Variants in GNPTAB observed in about 807,000 individuals in gnomAD.
GNPTAB encodes N-acetylglucosamine-1-phosphate transferase subunits alpha and beta.
A neutral mutation model predicts 136.6 loss-of-function variants in GNPTAB; 92 were observed. That is an observed-to-expected ratio of 0.67 (90% CI 0.57 to 0.80). The LOEUF is 0.80. Ranked by LOEUF, GNPTAB falls within the 30% of genes least tolerant of loss-of-function variation. GNPTAB has a pLI of 0.00. For missense variants in GNPTAB, 1,343 were observed against 1,501.8 expected, an observed-to-expected ratio of 0.89 and a Z score of 1.75; for synonymous variants, 512 against 535.1, an observed-to-expected ratio of 0.96 and a Z score of 0.60.
chr12:101,779,400 A>G (rs1953306404), intron 7 of GNPTAB: 2 of 152,358 alleles, frequency 1.3e-5, no homozygotes, highest in Non-Finnish European at 2.9e-5. Context: ...AATAGAGAGA[A>G]CACCCACATG....
In GNPTAB at chr12:101,753,517, T is replaced by C; in HGVS notation, c.3457A>G (p.Asn1153Asp). Reference protein sequence around the residue: ...NPRKFVCLNDNIDHNHKDAQT... With the variant: ...NPRKFVCLNDDIDHNHKDAQT... The stretch of plus-strand genomic sequence containing the variant: ...GCATCTTTATGATTGTGGTCAATGT[T>C]GTCATTCAGGCAAACAAACTTCCTG... Residue 1153 changes from asparagine (N) to aspartate (D), a missense_variant, in exon 19 of 21, where the codon AAC becomes GAC. Transcript: ENST00000299314. 1.2e-6 allele frequency: 2 copies of C among 1,614,040 alleles called. No homozygotes were observed. The highest frequency in any genetic ancestry group is 2.2e-5 in the South Asian group (2 of 91,086).
chr12:101,763,094 T>C (rs1233108128), intron 13 of GNPTAB, among the ~76,000 whole-genome samples: 1 of 151,600 alleles, frequency 6.6e-6, no homozygotes, highest in Non-Finnish European at 1.5e-5. Flanking sequence ...TGCTGGCACA[T>C]GCCTGTAATC....
intron 1 of GNPTAB, among the ~76,000 whole-genome samples, chr12:101,826,776 A>C (rs1594266627): frequency 6.6e-6 from 1 of 152,166 alleles, no homozygotes; most frequent in East Asian, 1.9e-4. Flanking sequence ...AGAACAAATT[A>C]TTTAAAAACC....
chr12:101,768,061 C>T lies in GNPTAB; in HGVS notation c.1384G>A (p.Asp462Asn), dbSNP rs1342010486. Residue 462 changes from aspartate (D) to asparagine (N), a missense_variant, in exon 11 of 21, where the codon GAT (aspartate) becomes AAT (asparagine). Physicochemically the swap from Asp to Asn is conservative, Grantham distance 23. Transcript: ENST00000299314. ...CCAGAGCAATCCCCACCATCCCAATCGCAGGCTGAATTATTACAAGCCTTG... is the reference window on the plus strand; with the variant it reads ...CCAGAGCAATCCCCACCATCCCAATTGCAGGCTGAATTATTACAAGCCTTG... ...CDKACNNSAC[D>N]WDGGDCSGNS... 10 of 1,614,068 alleles carry T rather than the reference C, an allele frequency of 6.2e-6. No individual in the cohort carries two copies. The highest frequency in any genetic ancestry group is 4.0e-5 in the African/African-American group (3 of 74,938).
At chr12:101,810,781 G>A (rs1383451542) in intron 1 of GNPTAB, 1 of 152,118 alleles carries the variant, frequency 6.6e-6, no homozygotes, top group Non-Finnish European at 1.5e-5. Flanking sequence ...GAAGGACTTG[G>A]GGAAAGAGGC....
At chr12:101,820,092 T>G (rs960641217) in intron 1 of GNPTAB, among the ~76,000 whole-genome samples, 1 of 152,200 alleles carries the variant, frequency 6.6e-6, no homozygotes, top group Non-Finnish European at 1.5e-5. Context: ...TGGCACTTAA[T>G]TAGCTGAACG....
intron 8 of GNPTAB, 75 bp downstream of exon 8, chr12:101,770,921 C>T: frequency 7.1e-7 from 1 of 1,399,334 alleles, no homozygotes; most frequent in East Asian, 2.3e-5. Context: ...CTTCCCTCTT[C>T]TAATATAGTA....
chr12:101,800,489 T>C (rs2137163456), intron 1 of GNPTAB, among the ~76,000 whole-genome samples: 1 of 150,882 alleles, frequency 6.6e-6, no homozygotes, highest in African/African-American at 2.4e-5. Context: ...CTAGGTGCAA[T>C]GGCTCATGCC....
chr12:101,789,719 AGT>A (rs1224120497), intron 3 of GNPTAB, among the ~76,000 whole-genome samples: 1 of 152,144 alleles, frequency 6.6e-6, no homozygotes, highest in Non-Finnish European at 1.5e-5. Flanking sequence ...CCTGGCCTCA[AGT>A]GATCCTCCCA....
chr12:101,789,918 A>G lies in GNPTAB; in HGVS notation c.323+20T>C, dbSNP rs78149334. The G allele has an allele frequency of 6.6e-7, 1 of 1,521,142 alleles. No homozygotes were observed. Among genetic ancestry groups the G allele is most frequent in the Non-Finnish European group, 9.0e-7 (1 of 1,105,756 alleles). The allele number at this position is 1,521,142 out of a possible 1,614,324, so 94.2% of individuals were successfully genotyped here. ...ATCGCCACATTACCCATCTGATGTGAAAAAAAAAATCAGTTTTACCTCATT... is the reference window on the plus strand; with the variant it reads ...ATCGCCACATTACCCATCTGATGTGGAAAAAAAAATCAGTTTTACCTCATT... On this transcript the variant is annotated intron_variant, in intron 3 of 20. Coordinates refer to ENST00000299314, the MANE Select transcript of GNPTAB (RefSeq NM_024312.5).
At chr12:101,752,437 C>CAA (rs1010145325) in intron 19 of GNPTAB, among the ~76,000 whole-genome samples, 1 of 152,136 alleles carries the variant, frequency 6.6e-6, no homozygotes, top group African/African-American at 2.4e-5. Flanking sequence ...CAAAACAAAA[C>CAA]AAAACAAACT....
intron 10 of GNPTAB, among the ~76,000 whole-genome samples, chr12:101,768,942 T>C (rs1400504155): frequency 3.3e-5 from 5 of 152,188 alleles, no homozygotes; most frequent in African/African-American, 9.6e-5. Context: ...CACACAGTCA[T>C]TGATCTTGTT....
At chr12:101,769,958 C>T in intron 10 of GNPTAB, 63 bp downstream of exon 10, 1 of 1,450,754 alleles carries the variant, frequency 6.9e-7, no homozygotes, top group Non-Finnish European at 9.6e-7. Flanking sequence ...AGTATGTGCA[C>T]TCATTTTCTG....
At chr12:101,821,583 A>G (rs1870805649) in intron 1 of GNPTAB, among the ~76,000 whole-genome samples, 1 of 152,178 alleles carries the variant, frequency 6.6e-6, no homozygotes, top group Non-Finnish European at 1.5e-5. Context: ...AAATCATGGT[A>G]GAAAGGTCCA....
intron 1 of GNPTAB, among the ~76,000 whole-genome samples, chr12:101,830,018 AAAAAG>A (rs1214476963): frequency 6.6e-6 from 1 of 151,528 alleles, no homozygotes; most frequent in Non-Finnish European, 1.5e-5. Context: ...AAAAAAAAAA[AAAAAG>A]AAAAAGAAAA....
At position 101,770,169 on chromosome 12, in the gene GNPTAB, T is replaced by C; in HGVS notation, c.1136A>G (p.His379Arg). ...THQDVFRNLS[H>R]LPTFSSPAIE... is the part of the protein sequence containing the mutation. ...AGCAGGTGAACTAAAGGTAGGCAAG[T>C]GGCTCAAATTTCGAAAAACATCCTT... Residue 379 changes from histidine to arginine, a missense_variant, in exon 10 of 21, where the codon CAC (histidine) becomes CGC (arginine). By Grantham distance (29) the His-to-Arg change is conservative (BLOSUM62 0). Coordinates refer to ENST00000299314, the MANE Select transcript of GNPTAB (RefSeq NM_024312.5). The C allele has an allele frequency of 6.2e-7, 1 of 1,614,206 alleles. No individual in the cohort carries two copies. Among genetic ancestry groups the C allele is most frequent in the Non-Finnish European group, 8.5e-7 (1 of 1,180,028 alleles).
chr12:101,825,944 C>G (rs960932274), intron 1 of GNPTAB, among the ~76,000 whole-genome samples: 1 of 152,182 alleles, frequency 6.6e-6, no homozygotes, highest in African/African-American at 2.4e-5. Context: ...AGGAGCAGGC[C>G]AGACGGTCCC....
chr12:101,812,710 G>A (rs930813162), intron 1 of GNPTAB, among the ~76,000 whole-genome samples: 1 of 152,102 alleles, frequency 6.6e-6, no homozygotes, highest in African/African-American at 2.4e-5. Flanking sequence ...AGTGAGCTGT[G>A]TTCATGCCAC....
chr12:101,787,845 G>A (rs112314600), intron 4 of GNPTAB, among the ~76,000 whole-genome samples: 4 of 150,058 alleles, frequency 2.7e-5, no homozygotes, highest in African/African-American at 4.9e-5. Context: ...CCTGGGAGGC[G>A]GAGGTTGCGG....
Sources: gnomAD v4.1 joint callset for allele counts (sites outside exome capture counted in the v4.1 genomes callset) on GRCh38, gnomAD v4.1.1 for gene constraint, MANE v1.5 for transcripts, NCBI Gene and HGNC (gene_info 2026-07-23, HGNC 2026-07-21) for gene names.